Variants in PSMD4 observed in about 807,000 individuals in gnomAD.
PSMD4 encodes 26S proteasome non-ATPase regulatory subunit 4.
In PSMD4, 5 loss-of-function variants were observed where a neutral mutation model predicts 39.7. The ratio of observed to expected loss-of-function variants is 0.13; its 90% confidence interval spans 0.07 to 0.26. The LOEUF is 0.26. Ranked by LOEUF, PSMD4 falls within the 10% of genes least tolerant of loss-of-function variation. PSMD4 has a pLI of 1.00. For synonymous variants in PSMD4, 143 were observed against 174.6 expected (o/e 0.82, Z 1.43); for missense variants, 272 against 486.1 (o/e 0.56, Z 4.14).
In PSMD4 at chr1:151,266,074, C is replaced by T. The variant is rs2101841590; in HGVS notation, c.725C>T (p.Ser242Phe). Residue 242 changes from serine (S) to phenylalanine (F), a missense_variant, in exon 7 of 10, where the codon TCT (serine) becomes TTT (phenylalanine). Ser to Phe is a radical substitution (Grantham distance 155). Around this residue, in one of 3 missense-constraint regions of PSMD4, gnomAD observed 113 missense variants for 184.6 expected, o/e 0.61. Transcript: ENST00000368884. ...GAGGCCCGGCGGGCAGCTGCAGCTT[C>T]TGCTGCTGAGGCCGGGATTGCTACG... ...EEEARRAAAA[S>F]AAEAGIATTG... 6.2e-7 allele frequency: 1 copy of T among 1,607,886 alleles called. No individual in the cohort carries two copies. Among genetic ancestry groups the T allele is most frequent in the Non-Finnish European group, 8.5e-7 (1 of 1,177,120 alleles).
intron 1 of PSMD4, among the ~76,000 whole-genome samples, chr1:151,256,449 T>TC (rs1693172493): frequency 6.7e-6 from 1 of 149,580 alleles, no homozygotes; most frequent in African/African-American, 2.4e-5. Flanking sequence ...TTTTTTTTTT[T>TC]CTCTTTGAGA....
intron 1 of PSMD4, among the ~76,000 whole-genome samples, chr1:151,261,669 C>T (rs949587842): frequency 1.4e-4 from 22 of 152,024 alleles, no homozygotes; most frequent in Admixed American, 1.3e-3. Context: ...AAAATTTTTT[C>T]GGCTGGGCAC....
intron 3 of PSMD4, 97 bp downstream of exon 3, chr1:151,264,125 A>G: frequency 2.2e-6 from 2 of 896,194 alleles, no homozygotes; most frequent in Non-Finnish European, 3.4e-6. Context: ...CTAGGACCAG[A>G]GCAAGAGAAA....
At chr1:151,262,564 T>C in intron 2 of PSMD4, 1 of 424,058 alleles carries the variant, frequency 2.4e-6, no homozygotes, top group Admixed American at 3.7e-5. Flanking sequence ...TTTCATAATA[T>C]ATTTTAAAGT....
chr1:151,256,302 C>G (rs1558319196), intron 1 of PSMD4, among the ~76,000 whole-genome samples: 1 of 143,794 alleles, frequency 7.0e-6, no homozygotes, highest in Non-Finnish European at 1.5e-5. Context: ...CGAGATGGCG[C>G]CACTGCACTC....
intron 1 of PSMD4, among the ~76,000 whole-genome samples, chr1:151,261,466 C>T (rs750114270): frequency 3.3e-5 from 5 of 152,040 alleles, no homozygotes; most frequent in Non-Finnish European, 7.4e-5. Flanking sequence ...TGAGCCACCG[C>T]GCCCAGCTAT....
Position 151,257,990 on chromosome 1 carries a change from T to G in PSMD4, c.26+3182T>G, listed in dbSNP as rs142726490. ...ATTCTCATTGTAGAGCTCTTTCATC[T>G]CCCTGGTTAGTTGTATTCCTAGGTT... On this transcript the variant is annotated intron_variant, in intron 1 of 9. Coordinates refer to ENST00000368884, the MANE Select transcript of PSMD4 (RefSeq NM_002810.4). Among the ~76,000 whole-genome samples, 93 of 152,196 alleles carry G rather than the reference T, an allele frequency of 6.1e-4. 1 individual carries two copies. Among genetic ancestry groups the G allele is most frequent in the Non-Finnish European group, 1.0e-3 (69 of 67,982 alleles).
In PSMD4 at chr1:151,256,654, C is replaced by G. The variant is rs1312350163; in HGVS notation, c.26+1846C>G. On this transcript the variant is annotated intron_variant, in intron 1 of 9. Transcript: ENST00000368884. ...GTTTCATCATGTTGGCCAGGCTAGT[C>G]TCAAACTGCTGAGCTCAGGTGATCC... Among the ~76,000 whole-genome samples the G allele has an allele frequency of 2.0e-5, 3 of 150,224 alleles. No individual in the cohort carries two copies. In the East Asian group the frequency reaches 5.9e-4, roughly 30 times the overall value.
chr1:151,260,034 A>C (rs1693278437), intron 1 of PSMD4, among the ~76,000 whole-genome samples: 1 of 152,076 alleles, frequency 6.6e-6, no homozygotes, highest in Non-Finnish European at 1.5e-5. Flanking sequence ...CCCCGTCTCT[A>C]CTAAAAATAC....
rs750221013 is a variant in PSMD4 at position 151,266,101 on chromosome 1, C to T, written c.752C>T (p.Thr251Ile). ...ASAAEAGIAT[T>I]GTEDSDDALL... ...GCTGCTGAGGCCGGGATTGCTACGA[C>T]TGGGACTGAAGGTGAAAGAGGTGGA... The change falls in exon 7 of 10, where the codon ACT becomes ATT. Residue 251 changes from threonine (T) to isoleucine (I), a missense_variant. This residue lies in a region of PSMD4 where 113 missense variants were observed against 184.6 expected (regional missense o/e 0.61). Coordinates refer to ENST00000368884, the MANE Select transcript of PSMD4 (RefSeq NM_002810.4). 10 of 1,605,298 alleles carry T rather than the reference C, an allele frequency of 6.2e-6. No individual in the cohort carries two copies. The African/African-American group carries it at 1.3e-4, about 22-fold the overall frequency.
At chr1:151,262,048 G>A (rs1214206444) in intron 1 of PSMD4, 113 bp from the exon 2 acceptor site, 2 of 1,126,622 alleles carry the variant, frequency 1.8e-6, no homozygotes, top group Non-Finnish European at 2.6e-6. Context: ...AAGAAAAAAA[G>A]CTACAGGTGA....
Position 151,254,794 on chromosome 1 carries a change from A to G in PSMD4, c.12A>G (p.Glu4=), listed in dbSNP as rs1229764195. The G allele has an allele frequency of 7.7e-6, 12 of 1,565,330 alleles. No homozygotes were observed. The highest frequency in any genetic ancestry group is 9.5e-6 in the Non-Finnish European group (11 of 1,157,406). ...AGGAAGGTGGCAAGATGGTGTTGGA[A>G]AGCACTATGGTGTGGTGAGGAGCTA... MVL[E]STMVCVDNSE... Residue 4 remains glutamate (E), a synonymous_variant, in exon 1 of 10, where the codon GAA becomes GAG. Transcript: ENST00000368884.
At chr1:151,257,715 C>CTTTTTTTTTTTTTTTTT (rs71090149) in intron 1 of PSMD4, among the ~76,000 whole-genome samples, 2 of 88,718 alleles carry the variant, frequency 2.3e-5, no homozygotes, top group Non-Finnish European at 2.0e-5. Flanking sequence ...ACCTGGCTTT[C>CTTTTTTTTTTTTTTTTT]TTTTTTTTTT....
intron 6 of PSMD4, 55 bp from the exon 7 acceptor site, chr1:151,265,949 G>T: frequency 6.6e-7 from 1 of 1,512,902 alleles, no homozygotes; most frequent in Non-Finnish European, 8.8e-7. Context: ...GACTTTCCCA[G>T]CTCCCTGTAG....
At chr1:151,266,946 A>G (rs1362311915) in intron 9 of PSMD4, 10 of 714,018 alleles carry the variant, frequency 1.4e-5, no homozygotes, top group Non-Finnish European at 2.1e-5. Context: ...TCAGAGCTCA[A>G]TTAACAGAGT....
chr1:151,266,340 A>G lies in PSMD4; in HGVS notation c.796A>G (p.Ser266Gly), dbSNP rs587704142. ...CGATGCCCTGCTGAAGATGACCATC[A>G]GCCAGCAAGAGTTTGGCCGCACTGG... is the stretch of plus-strand genomic sequence containing the variant. The part of the protein sequence containing the change: ...SDDALLKMTI[S>G]QQEFGRTGLP... Residue 266 changes from serine (S) to glycine (G), a missense_variant, in exon 8 of 10, where the codon AGC becomes GGC. This residue lies in a region of PSMD4 where 113 missense variants were observed against 184.6 expected (regional missense o/e 0.61). Transcript: ENST00000368884. 4 of 1,614,234 alleles carry G rather than the reference A, an allele frequency of 2.5e-6. No individual in the cohort carries two copies. In the East Asian group the frequency reaches 8.9e-5, roughly 36 times the overall value.
Position 151,266,131 on chromosome 1 carries a change from G to A in PSMD4, c.763+19G>A, listed in dbSNP as rs587659828. On this transcript the variant is annotated intron_variant, in intron 7 of 9. Transcript: ENST00000368884. ...ACTGAAGGTGAAAGAGGTGGAATCC[G>A]AAGTCCTGGGACTGCGGGATGCTAA... The A allele has an allele frequency of 1.4e-4, 226 of 1,598,790 alleles. 2 individuals are homozygous for A. In the South Asian group the frequency reaches 2.3e-3, roughly 16 times the overall value.
intron 1 of PSMD4, among the ~76,000 whole-genome samples, chr1:151,261,160 T>C (rs1262888548): frequency 2.0e-5 from 3 of 149,450 alleles, no homozygotes; most frequent in Non-Finnish European, 4.4e-5. Flanking sequence ...GCCTATTTTA[T>C]AGATTTTTTT....
Position 151,266,390 on chromosome 1 carries a change from T to G in PSMD4, c.846T>G (p.Thr282=), listed in dbSNP as rs1693450091. The change falls in exon 8 of 10, where the codon ACT becomes ACG. Residue 282 remains threonine, a synonymous_variant. Coordinates refer to ENST00000368884, the MANE Select transcript of PSMD4 (RefSeq NM_002810.4). ...RTGLPDLSSM[T]EEEQIAYAMQ... ...GGCTTCCTGACCTAAGCAGTATGAC[T>G]GAGGAAGAGCAGATTGCTTATGCCA... 6.2e-7 allele frequency: 1 copy of G among 1,614,078 alleles called. No individual in the cohort carries two copies. Among genetic ancestry groups the G allele is most frequent in the Non-Finnish European group, 8.5e-7 (1 of 1,180,042 alleles).
Sources: gnomAD v4.1 joint callset for allele counts (sites outside exome capture counted in the v4.1 genomes callset) on GRCh38, gnomAD v4.1.1 for gene constraint, gnomAD v4.1.1 regional missense constraint, MANE v1.5 for transcripts, NCBI Gene and HGNC (gene_info 2026-07-23, HGNC 2026-07-21) for gene names.